CCDC175: variants seen among roughly 807,000 people sequenced by gnomAD.
CCDC175 encodes coiled-coil domain containing 175.
CCDC175 carries 100 observed loss-of-function variants against 114.6 expected under a neutral mutation model. The ratio of observed to expected loss-of-function variants is 0.87; its 90% confidence interval spans 0.74 to 1.03. The LOEUF (loss-of-function observed/expected upper bound fraction) is 1.03. CCDC175 is among the 50% of genes least tolerant of loss of function. The pLI is 0.00. For synonymous variants in CCDC175, 306 were observed against 308.7 expected (o/e 0.99, Z 0.09); for missense variants, 880 against 917.8 (o/e 0.96, Z 0.53).
intron 17 of CCDC175, among the ~76,000 whole-genome samples, chr14:59,514,924 G>A (rs1245572107): frequency 2.0e-5 from 3 of 152,144 alleles, no homozygotes; most frequent in Admixed American, 6.5e-5. Context: ...GAGAAAGGTC[G>A]GGTTACCCAC....
At chr14:59,573,141 T>C (rs1329334637) in intron 2 of CCDC175, among the ~76,000 whole-genome samples, 1 of 152,108 alleles carries the variant, frequency 6.6e-6, no homozygotes, top group Non-Finnish European at 1.5e-5. Flanking sequence ...AAGCTACTTA[T>C]TAAAATATGG....
intron 6 of CCDC175, among the ~76,000 whole-genome samples, chr14:59,561,921 C>T (rs924488703): frequency 6.6e-6 from 1 of 152,200 alleles, no homozygotes; most frequent in Admixed American, 6.5e-5. Flanking sequence ...CAGAGAATTA[C>T]CATGGACATA....
At chr14:59,563,626 C>T (rs544821988) in intron 6 of CCDC175, 111 bp downstream of exon 6, 19 of 620,484 alleles carry the variant, frequency 3.1e-5, no homozygotes, top group Non-Finnish European at 4.0e-5. Context: ...AAAATGTTAA[C>T]GTGCAGAAAA....
intron 7 of CCDC175, among the ~76,000 whole-genome samples, chr14:59,553,125 T>C (rs1895634528): frequency 6.6e-6 from 1 of 152,124 alleles, no homozygotes; most frequent in South Asian, 2.1e-4. Flanking sequence ...GCCACAAAGA[T>C]ACTCCTCCAG....
rs375321757 is a variant in CCDC175, at chr14:59,565,136, A to G, written c.631T>C (p.Leu211=). 1.0e-5 allele frequency: 16 copies of G among 1,537,414 alleles called. No individual in the cohort carries two copies. The highest frequency in any genetic ancestry group is 6.8e-5 in the African/African-American group (5 of 73,054). Residue 211 remains leucine (L), a synonymous_variant, in exon 5 of 20, where the codon TTG becomes CTG. Coordinates refer to ENST00000537690, the MANE Select transcript of CCDC175 (RefSeq NM_001164399.2). ...KINLKREDIA[L]QKKCIQEAEE... is the part of the protein sequence containing the mutation. ...GCCTCTTGAATACATTTTTTTTGCA[A>G]TGCTATGTCTTCTCTCTTCAAGTTT...
chr14:59,560,327 T>G (rs946312841), intron 7 of CCDC175, among the ~76,000 whole-genome samples: 13 of 152,168 alleles, frequency 8.5e-5, no homozygotes, highest in African/African-American at 3.1e-4. Context: ...AGTCCACAAT[T>G]TGTTTCTTAA....
At chr14:59,553,911 C>G (rs1452405708) in intron 7 of CCDC175, among the ~76,000 whole-genome samples, 2 of 152,154 alleles carry the variant, frequency 1.3e-5, no homozygotes, top group East Asian at 1.9e-4. Context: ...ACATGAAGAG[C>G]TAACTATCCT....
At chr14:59,562,285 T>A (rs1896266735) in intron 6 of CCDC175, among the ~76,000 whole-genome samples, 1 of 134,474 alleles carries the variant, frequency 7.4e-6, no homozygotes, top group Non-Finnish European at 1.6e-5. Flanking sequence ...AACATATCAA[T>A]GTTACCTGGC....
chr14:59,563,678 C>CT (rs1491439105), intron 6 of CCDC175, 59 bp downstream of exon 6: 1 of 1,107,634 alleles, frequency 9.0e-7, no homozygotes, highest in Non-Finnish European at 1.2e-6. Context: ...CAATCAACTC[C>CT]TTTTTTATTG....
chr14:59,565,398 TTA>T, intron 4 of CCDC175, 123 bp from the exon 5 acceptor site: 1 of 833,132 alleles, frequency 1.2e-6, no homozygotes, highest in Non-Finnish European at 1.8e-6. Flanking sequence ...ATGACTGTGT[TTA>T]TGATTGTCTA....
chr14:59,560,315 T>C (rs750036318), intron 7 of CCDC175, among the ~76,000 whole-genome samples: 1 of 152,170 alleles, frequency 6.6e-6, no homozygotes, highest in African/African-American at 2.4e-5. Context: ...GGGAATCTGC[T>C]CAGTCCACAA....
At chr14:59,528,403 AT>A (rs33910978) in intron 14 of CCDC175, among the ~76,000 whole-genome samples, 61,185 of 151,748 alleles carry the variant, frequency 0.4, 13,436 homozygotes, top group African/African-American at 0.58. Context: ...TATAAGAAAT[AT>A]TTTTGTATTA....
intron 8 of CCDC175, among the ~76,000 whole-genome samples, chr14:59,545,554 G>A (rs1895052608): frequency 6.6e-6 from 1 of 152,146 alleles, no homozygotes; most frequent in Non-Finnish European, 1.5e-5. Context: ...ATATTGAAAT[G>A]CAAAATGGGA....
At chr14:59,511,719 A>G in intron 18 of CCDC175, 41 bp downstream of exon 18, 3 of 1,499,834 alleles carry the variant, frequency 2.0e-6, no homozygotes, top group Non-Finnish European at 2.7e-6. Context: ...TTTTGGAAAT[A>G]TGATATTTAT....
intron 16 of CCDC175, among the ~76,000 whole-genome samples, chr14:59,521,945 A>C (rs900553357): frequency 6.6e-6 from 1 of 152,252 alleles, no homozygotes; most frequent in Non-Finnish European, 1.5e-5. Context: ...AGAAATTAGA[A>C]GGTGTTCTGT....
At chr14:59,540,627 A>C in intron 11 of CCDC175, 48 bp downstream of exon 11, 1 of 1,505,108 alleles carries the variant, frequency 6.6e-7, no homozygotes, top group East Asian at 2.5e-5. Flanking sequence ...TATACTGCTG[A>C]TAACACAAAA....
rs889311486 is a variant in CCDC175 at position 59,572,802 on chromosome 14, T to C, written c.255A>G (p.Arg85=). ...AVAVKKLEEM[R]KATIDLLEIE... ...TCTCCAAAAGATCGATTGTGGCTTTTCTCATTTCTTCCTGAAAATTTAAAT... is the reference window on the plus strand; with the variant it reads ...TCTCCAAAAGATCGATTGTGGCTTTCCTCATTTCTTCCTGAAAATTTAAAT... The change falls in exon 3 of 20, where the codon AGA becomes AGG. Residue 85 remains arginine, a synonymous_variant. Coordinates refer to ENST00000537690, the MANE Select transcript of CCDC175 (RefSeq NM_001164399.2). The C allele has an allele frequency of 8.7e-6, 13 of 1,497,754 alleles. No individual in the cohort carries two copies. The African/African-American group carries it at 1.7e-4, about 20-fold the overall frequency. 92.8% of individuals were successfully genotyped at this position (1,497,754 alleles called of 1,614,324 possible).
At chr14:59,568,740 T>C (rs572917446) in intron 3 of CCDC175, among the ~76,000 whole-genome samples, 3 of 152,202 alleles carry the variant, frequency 2.0e-5, no homozygotes, top group African/African-American at 7.2e-5. Flanking sequence ...GTACAAGAGG[T>C]AGGGCAAGCA....
At chr14:59,551,311 G>A in intron 8 of CCDC175, 44 bp downstream of exon 8, 1 of 877,848 alleles carries the variant, frequency 1.1e-6, no homozygotes, top group Non-Finnish European at 1.6e-6. Flanking sequence ...AACTAAAAAT[G>A]AAATGTAATT....
Sources: allele counts gnomAD v4.1 joint callset (sites outside exome capture counted in the v4.1 genomes callset), GRCh38; gene constraint gnomAD v4.1.1; transcripts MANE v1.5; gene names NCBI Gene and HGNC (gene_info 2026-07-23, HGNC 2026-07-21).